The following SLC25A21 variants were observed in gnomAD, a reference collection of about 807,000 sequenced individuals.
SLC25A21 encodes mitochondrial 2-oxodicarboxylate carrier.
Under a neutral mutation model 43.8 loss-of-function variants are expected in SLC25A21, and 47 were observed. That is an observed-to-expected ratio of 1.07 (90% confidence interval 0.85 to 1.37). SLC25A21 has a LOEUF of 1.37. Ranked by LOEUF, SLC25A21 falls within the 40% of genes most tolerant of loss-of-function variation. The pLI, the probability that SLC25A21 is intolerant of heterozygous loss-of-function variation, is 0.00. For synonymous variants in SLC25A21, 131 were observed against 121.3 expected (o/e 1.08, Z -0.52); for missense variants, 352 against 350.2 (o/e 1.00, Z -0.04).
At chr14:37,000,421 T>C (rs1007057684) in intron 1 of SLC25A21, among the ~76,000 whole-genome samples, 1 of 152,178 alleles carries the variant, frequency 6.6e-6, no homozygotes, top group Admixed American at 6.5e-5. Context: ...TCCAATGGCT[T>C]TCCACCAAAC....
At position 36,679,015 on chromosome 14, in the gene SLC25A21, T is replaced by TGA. The variant is rs1566483274; in HGVS notation, c.*1642_*1643insTC. On this transcript the variant is annotated 3_prime_UTR_variant, in exon 10 of 10. Coordinates refer to ENST00000331299, the MANE Select transcript of SLC25A21 (RefSeq NM_030631.4). ...TCATAGATGGTAAAAGTGTTGCTTT[T>TGA]AAACTGGCAAATGCACTCTTCAGAA... 1.0e-6 allele frequency: 1 copy of TGA among 980,652 alleles called. No individual in the cohort carries two copies. Among genetic ancestry groups the TGA allele is most frequent in the African/African-American group, 1.8e-5 (1 of 57,010 alleles). 60.7% of individuals were successfully genotyped at this position (980,652 alleles called of 1,614,324 possible).
At chr14:36,731,791 T>C (rs1483144872) in intron 4 of SLC25A21, among the ~76,000 whole-genome samples, 3 of 152,170 alleles carry the variant, frequency 2.0e-5, no homozygotes, top group Non-Finnish European at 4.4e-5. Context: ...TCAGGAGTTC[T>C]ATCTCTGTGC....
At chr14:36,813,689 T>A (rs944654092) in intron 3 of SLC25A21, among the ~76,000 whole-genome samples, 1 of 152,202 alleles carries the variant, frequency 6.6e-6, no homozygotes, top group Non-Finnish European at 1.5e-5. Flanking sequence ...GTGGCATAAA[T>A]TAAGATTTGT....
intron 1 of SLC25A21, among the ~76,000 whole-genome samples, chr14:36,882,362 G>A (rs1191655545): frequency 6.6e-6 from 1 of 152,114 alleles, no homozygotes; most frequent in East Asian, 1.9e-4. Context: ...TAGCCTGGGC[G>A]ACAGAGGGAG....
intron 1 of SLC25A21, among the ~76,000 whole-genome samples, chr14:36,925,279 C>T (rs180964242): frequency 1.3e-5 from 2 of 152,268 alleles, no homozygotes; most frequent in East Asian, 1.9e-4. Flanking sequence ...ATTGCAATTA[C>T]ATGGCAGTGG....
intron 1 of SLC25A21, among the ~76,000 whole-genome samples, chr14:36,885,287 A>C (rs1890882250): frequency 6.6e-6 from 1 of 152,078 alleles, no homozygotes. Flanking sequence ...GCATGGGTTT[A>C]TTTGCAGGTT....
chr14:36,960,890 TG>T (rs1959473352), intron 1 of SLC25A21, among the ~76,000 whole-genome samples: 1 of 152,238 alleles, frequency 6.6e-6, no homozygotes, highest in South Asian at 2.1e-4. Flanking sequence ...TTCTGCTTTT[TG>T]CCAATAATCA....
intron 4 of SLC25A21, among the ~76,000 whole-genome samples, chr14:36,730,244 T>G (rs1331270142): frequency 6.6e-6 from 1 of 152,244 alleles, no homozygotes; most frequent in Non-Finnish European, 1.5e-5. Context: ...AGTATCATTT[T>G]CTCTGCAAAC....
rs546472716 is a variant in SLC25A21 at position 37,114,766 on chromosome 14, G to C, written c.70+57515C>G. ...TGTCAGACTCTTCTGCAAACCAGTG[G>C]TGCAGAGAGTCATTTTTATGGCGGG... is the stretch of plus-strand genomic sequence containing the variant. On this transcript the variant is annotated intron_variant, in intron 1 of 9. Transcript: ENST00000331299. 2.6e-5 allele frequency among the ~76,000 whole-genome samples: 4 copies of C among 151,348 alleles called. No homozygotes were observed. The East Asian group carries it at 7.8e-4, about 30-fold the overall frequency.
chr14:36,844,070 T>C (rs766276902), intron 2 of SLC25A21, among the ~76,000 whole-genome samples: 2 of 152,204 alleles, frequency 1.3e-5, no homozygotes, highest in Non-Finnish European at 2.9e-5. Context: ...CACTTTTCAG[T>C]GTGTCACATT....
intron 3 of SLC25A21, among the ~76,000 whole-genome samples, chr14:36,756,702 A>T (rs1885944229): frequency 6.6e-6 from 1 of 152,248 alleles, no homozygotes; most frequent in African/African-American, 2.4e-5. Flanking sequence ...GTGTTAGGAC[A>T]AATGAGTCAA....
At chr14:37,099,233 G>A (rs902423014) in intron 1 of SLC25A21, among the ~76,000 whole-genome samples, 2 of 152,022 alleles carry the variant, frequency 1.3e-5, no homozygotes, top group African/African-American at 4.8e-5. Flanking sequence ...ACCTTCCCCA[G>A]GGAGCATTTC....
At chr14:36,997,514 C>T (rs1191233099) in intron 1 of SLC25A21, among the ~76,000 whole-genome samples, 3 of 152,096 alleles carry the variant, frequency 2.0e-5, no homozygotes, top group African/African-American at 4.8e-5. Context: ...ACTGAAGAGA[C>T]ATTAAAAGTA....
intron 1 of SLC25A21, among the ~76,000 whole-genome samples, chr14:36,957,022 G>A (rs546871785): frequency 6.6e-6 from 1 of 152,314 alleles, no homozygotes; most frequent in African/African-American, 2.4e-5. Flanking sequence ...GCACAACACT[G>A]AAAAGCTGAT....
intron 1 of SLC25A21, among the ~76,000 whole-genome samples, chr14:37,049,456 T>G (rs932338714): frequency 6.6e-6 from 1 of 151,700 alleles, no homozygotes; most frequent in African/African-American, 2.4e-5. Context: ...CCTACAGTCC[T>G]AGCAATTAGG....
At chr14:36,903,010 C>T (rs1378627550) in intron 1 of SLC25A21, among the ~76,000 whole-genome samples, 3 of 152,162 alleles carry the variant, frequency 2.0e-5, no homozygotes, top group Non-Finnish European at 2.9e-5. Context: ...AAACCTGACT[C>T]ACTGAGCTTC....
At chr14:36,837,114 G>A (rs574847898) in intron 2 of SLC25A21, among the ~76,000 whole-genome samples, 1 of 152,266 alleles carries the variant, frequency 6.6e-6, no homozygotes, top group Non-Finnish European at 1.5e-5. Context: ...GCAGAGTGAT[G>A]GGAAGGTGTG....
At chr14:36,951,037 C>G (rs1368511603) in intron 1 of SLC25A21, among the ~76,000 whole-genome samples, 1 of 152,106 alleles carries the variant, frequency 6.6e-6, no homozygotes, top group Non-Finnish European at 1.5e-5. Flanking sequence ...CCTCTCTGCC[C>G]CCTAACTCTC....
At chr14:36,764,089 A>AG (rs1566587679) in intron 3 of SLC25A21, among the ~76,000 whole-genome samples, 1 of 58,310 alleles carries the variant, frequency 1.7e-5, no homozygotes, top group East Asian at 8.3e-4. Context: ...AGAAGGAAGG[A>AG]AGGAAGGAAG....
Sources: allele counts gnomAD v4.1 joint callset (sites outside exome capture counted in the v4.1 genomes callset), GRCh38; gene constraint gnomAD v4.1.1; transcripts MANE v1.5; gene names NCBI Gene and HGNC (gene_info 2026-07-23, HGNC 2026-07-21).